The following TUBB8B variants were observed in gnomAD, a reference collection of about 807,000 sequenced individuals.
TUBB8B encodes the protein tubulin beta 8B.
Under a neutral mutation model 31.9 loss-of-function variants are expected in TUBB8B, and 26 were observed. That is an observed-to-expected ratio of 0.81 (90% CI 0.60 to 1.13). The LOEUF (loss-of-function observed/expected upper bound fraction) is 1.13. Among genes scored for constraint, TUBB8B ranks in the 50% most tolerant of loss-of-function variants. The pLI is 0.00. For missense variants in TUBB8B, 467 were observed against 586.7 expected (o/e 0.80, Z 2.11); for synonymous variants, 173 against 231.0 (o/e 0.75, Z 2.28).
chr18:49,710 C>T (rs968739930), upstream of TUBB8B: 11 of 698,622 alleles, frequency 1.6e-5, no homozygotes, highest in Non-Finnish European at 2.4e-5. Flanking sequence ...GCTTTACTTC[C>T]ACACAGGTGC....
the TUBB8B span, among the ~76,000 whole-genome samples, chr18:62,140 A>G: frequency 1.2e-4 from 18 of 151,102 alleles, no homozygotes; most frequent in Non-Finnish European, 1.9e-4. Context: ...TTTTTCCTTC[A>G]GCTTTTTTAA....
chr18:70,844 C>G, the TUBB8B span, among the ~76,000 whole-genome samples: 1 of 151,176 alleles, frequency 6.6e-6, no homozygotes, highest in East Asian at 2.0e-4. Flanking sequence ...GAGGCTGAGG[C>G]AGGAGAATCG....
chr18:67,872 G>C, the TUBB8B span, among the ~76,000 whole-genome samples: 1 of 150,960 alleles, frequency 6.6e-6, no homozygotes. Flanking sequence ...CACCTGTAAG[G>C]CTGATATGAC....
chr18:58,199 G>T, the TUBB8B span, among the ~76,000 whole-genome samples: 32 of 149,676 alleles, frequency 2.1e-4, no homozygotes, highest in African/African-American at 7.8e-4. Flanking sequence ...ACAAGTGATT[G>T]CTCCACAGGC....
At chr18:72,196 A>AAAAAAAAAAAC in the TUBB8B span, among the ~76,000 whole-genome samples, 199 of 84,462 alleles carry the variant, frequency 2.4e-3, 8 homozygotes, top group East Asian at 7.4e-3. Flanking sequence ...AAAAAAAAAA[A>AAAAAAAAAAAC]AAAGGAAAAA....
At chr18:53,274 C>T (rs1568386057), upstream of TUBB8B, among the ~76,000 whole-genome samples, 1 of 151,820 alleles carries the variant, frequency 6.6e-6, no homozygotes, top group Non-Finnish European at 1.5e-5. Flanking sequence ...AAATGTATTT[C>T]TCAGGAATTT....
At chr18:62,064 T>A in the TUBB8B span, among the ~76,000 whole-genome samples, 2 of 151,806 alleles carry the variant, frequency 1.3e-5, no homozygotes, top group Admixed American at 6.6e-5. Context: ...TCGGAAAAAG[T>A]TCTTATTTCT....
chr18:66,400 A>T, the TUBB8B span, among the ~76,000 whole-genome samples: 9 of 152,072 alleles, frequency 5.9e-5, no homozygotes, highest in Admixed American at 1.3e-4. Context: ...AAAAATCAAA[A>T]AATTAGCCAG....
chr18:69,366 A>C, the TUBB8B span, among the ~76,000 whole-genome samples: 27,847 of 138,564 alleles, frequency 0.2, no homozygotes, highest in African/African-American at 0.3. Context: ...CGGGAGGCTG[A>C]AGCGGGAGGA....
the TUBB8B span, among the ~76,000 whole-genome samples, chr18:56,726 A>G: frequency 6.6e-6 from 1 of 151,910 alleles, no homozygotes; most frequent in Non-Finnish European, 1.5e-5. Flanking sequence ...GAAATATTAC[A>G]CCATTCTCAC....
At chr18:56,492 T>C in the TUBB8B span, among the ~76,000 whole-genome samples, 2 of 151,854 alleles carry the variant, frequency 1.3e-5, no homozygotes, top group Admixed American at 6.6e-5. Context: ...TTCTCTTTCA[T>C]TTCTTTTATC....
At chr18:58,222 T>C in the TUBB8B span, among the ~76,000 whole-genome samples, 1 of 151,530 alleles carries the variant, frequency 6.6e-6, no homozygotes, top group South Asian at 2.1e-4. Flanking sequence ...CTCGAGTTCC[T>C]CTCTTGTAAA....
chr18:50,674 C>T (rs1906057428), upstream of TUBB8B: 3 of 151,850 alleles, frequency 2.0e-5, no homozygotes, highest in African/African-American at 7.3e-5. Flanking sequence ...CATCATTCAG[C>T]CTGAGGGGCC....
the TUBB8B span, among the ~76,000 whole-genome samples, chr18:56,470 C>T: frequency 4.0e-5 from 6 of 151,682 alleles, no homozygotes; most frequent in Non-Finnish European, 1.5e-5. Context: ...AATAACTTTC[C>T]ATTTTTTTGT....
the TUBB8B span, among the ~76,000 whole-genome samples, chr18:72,258 G>C: frequency 1.3e-5 from 2 of 149,914 alleles, no homozygotes; most frequent in African/African-American, 4.9e-5. Flanking sequence ...TCAGTATTAA[G>C]TAACCTTAAC....
At chr18:66,457 G>A in the TUBB8B span, among the ~76,000 whole-genome samples, 57 of 147,838 alleles carry the variant, frequency 3.9e-4, no homozygotes, top group South Asian at 1.9e-3. Context: ...AGGCTGAGGC[G>A]GGAGGATCAC....
the TUBB8B span, among the ~76,000 whole-genome samples, chr18:59,408 G>C: frequency 6.6e-6 from 1 of 151,502 alleles, no homozygotes; most frequent in Non-Finnish European, 1.5e-5. Flanking sequence ...CTGGGGGTCT[G>C]TCATATATGA....
At chr18:66,996 G>GTTTT in the TUBB8B span, among the ~76,000 whole-genome samples, 8 of 139,692 alleles carry the variant, frequency 5.7e-5, no homozygotes, top group South Asian at 2.3e-4. Flanking sequence ...TGTTTTTTTT[G>GTTTT]TTTTTTTTTT....
upstream of TUBB8B, among the ~76,000 whole-genome samples, chr18:50,736 C>T (rs201301312): frequency 2.6e-3 from 298 of 115,422 alleles, no homozygotes; most frequent in East Asian, 4.7e-3. Flanking sequence ...CAGGGTATTC[C>T]GGCCCAGTTC....
Sources: allele counts gnomAD v4.1 joint callset (sites outside exome capture counted in the v4.1 genomes callset), GRCh38; gene constraint gnomAD v4.1.1; transcripts MANE v1.5; gene names NCBI Gene and HGNC (gene_info 2026-07-23, HGNC 2026-07-21).